Variants in GPR158 observed in about 807,000 individuals in gnomAD.
GPR158 encodes G protein-coupled receptor 158.
A neutral mutation model predicts 78.2 loss-of-function variants in GPR158; 30 were observed. The ratio of observed to expected loss-of-function variants is 0.38; its 90% CI spans 0.29 to 0.52. GPR158 has a LOEUF of 0.52. Ranked by LOEUF, GPR158 falls within the 20% of genes least tolerant of loss-of-function variation. The probability of loss-of-function intolerance (pLI) is 0.83; values close to 1 mark genes in which losing one functional copy is unlikely to be tolerated. For synonymous variants in GPR158, 581 were observed against 591.1 expected (o/e 0.98, Z 0.25); for missense variants, 1,463 against 1,523.5 (o/e 0.96, Z 0.66).
chr10:25,307,655 A>G (rs919467063), intron 2 of GPR158, among the ~76,000 whole-genome samples: 3 of 152,118 alleles, frequency 2.0e-5, no homozygotes, highest in Admixed American at 2.0e-4. Flanking sequence ...GATTACAGGC[A>G]TGAGCCACCA....
intron 2 of GPR158, among the ~76,000 whole-genome samples, chr10:25,281,249 A>AG (rs1854268357): frequency 1.3e-5 from 2 of 151,870 alleles, no homozygotes. Flanking sequence ...AGAAAAAAAA[A>AG]GAAATCAAAA....
chr10:25,547,607 T>C (rs767930265), intron 5 of GPR158, among the ~76,000 whole-genome samples: 2 of 152,126 alleles, frequency 1.3e-5, no homozygotes, highest in African/African-American at 4.8e-5. Flanking sequence ...ATCCTCATTA[T>C]AATGCATTTC....
At chr10:25,568,409 GAAGTAGGAAGA>G (rs919618041) in intron 6 of GPR158, among the ~76,000 whole-genome samples, 2 of 152,208 alleles carry the variant, frequency 1.3e-5, no homozygotes, top group African/African-American at 4.8e-5. Flanking sequence ...AGCTAGCCAA[GAAGTAGGAAGA>G]AAGTAGGAAG....
At chr10:25,301,424 C>A (rs1472458792) in intron 2 of GPR158, among the ~76,000 whole-genome samples, 1 of 152,116 alleles carries the variant, frequency 6.6e-6, no homozygotes, top group Non-Finnish European at 1.5e-5. Context: ...GGCTGAATTC[C>A]TTATTACAGT....
intron 2 of GPR158, among the ~76,000 whole-genome samples, chr10:25,379,647 C>CTTTTTTTTTT (rs11393897): frequency 2.4e-4 from 26 of 106,996 alleles, no homozygotes; most frequent in Non-Finnish European, 3.6e-4. Context: ...TGAGGATTAG[C>CTTTTTTTTTT]TTTTTTTTTT....
intron 4 of GPR158, among the ~76,000 whole-genome samples, chr10:25,435,126 T>C (rs557368378): frequency 6.6e-6 from 1 of 152,320 alleles, no homozygotes; most frequent in African/African-American, 2.4e-5. Context: ...CATTCATTCA[T>C]TCAGTGTGTT....
chr10:25,452,662 T>G (rs1175484681), intron 4 of GPR158, among the ~76,000 whole-genome samples: 2 of 152,246 alleles, frequency 1.3e-5, no homozygotes, highest in Non-Finnish European at 2.9e-5. Context: ...CGTGTGGTAA[T>G]TGTGGTTGGA....
intron 4 of GPR158, among the ~76,000 whole-genome samples, chr10:25,420,335 TAG>T (rs1378828890): frequency 3.5e-5 from 5 of 143,494 alleles, no homozygotes; most frequent in South Asian, 2.3e-4. Flanking sequence ...CATTTTTTTG[TAG>T]AGATGGAGTC....
chr10:25,247,626 C>T (rs1382129169), intron 2 of GPR158, among the ~76,000 whole-genome samples: 1 of 143,906 alleles, frequency 6.9e-6, no homozygotes, highest in African/African-American at 2.6e-5. Context: ...TCATCCATGT[C>T]CCTACAAAGG....
chr10:25,369,084 T>C (rs1833950802), intron 2 of GPR158, among the ~76,000 whole-genome samples: 1 of 151,618 alleles, frequency 6.6e-6, no homozygotes, highest in East Asian at 1.9e-4. Context: ...CAATGGGGTT[T>C]TCTAGATATA....
chr10:25,390,914 C>T (rs1025457718), intron 2 of GPR158, among the ~76,000 whole-genome samples: 23 of 152,310 alleles, frequency 1.5e-4, no homozygotes, highest in Non-Finnish European at 1.8e-4. Flanking sequence ...AAAATGGTTT[C>T]GTGGGCTGGC....
chr10:25,541,136 G>T (rs180675835), intron 5 of GPR158, among the ~76,000 whole-genome samples: 13 of 151,628 alleles, frequency 8.6e-5, no homozygotes, highest in Non-Finnish European at 1.5e-4. Flanking sequence ...CAAGATTTTT[G>T]ATTGCCAGAC....
intron 7 of GPR158, 148 bp from the exon 8 acceptor site, chr10:25,588,859 T>C (rs1259065161): frequency 8.9e-6 from 4 of 448,732 alleles, no homozygotes; most frequent in African/African-American, 7.8e-5. Flanking sequence ...TTTAAAAATA[T>C]ATGGCATTTG....
At position 25,594,282 on chromosome 10, in the gene GPR158, C is replaced by G. The variant is rs1181318048; in HGVS notation, c.1893-10C>G. 1 of 1,338,542 alleles carries G rather than the reference C, an allele frequency of 7.5e-7. No homozygotes were observed. Among genetic ancestry groups the G allele is most frequent in the Admixed American group, 1.7e-5 (1 of 59,250 alleles). 82.9% of individuals were successfully genotyped at this position (1,338,542 alleles called of 1,614,324 possible). ...TCTTGGATTGTTAACTCAATGAATT[C>G]TCATTTCAGATTTGTTCTTGCCTCA... On this transcript the variant is annotated splice_polypyrimidine_tract_variant and intron_variant, in intron 8 of 10. Transcript: ENST00000376351.
At chr10:25,327,984 G>A (rs1171101561) in intron 2 of GPR158, among the ~76,000 whole-genome samples, 10 of 152,074 alleles carry the variant, frequency 6.6e-5, no homozygotes, top group Admixed American at 6.5e-4. Flanking sequence ...GGTAGCTAGG[G>A]AAGCCATTTT....
At chr10:25,539,165 G>T (rs961491587) in intron 5 of GPR158, among the ~76,000 whole-genome samples, 1 of 152,156 alleles carries the variant, frequency 6.6e-6, no homozygotes, top group African/African-American at 2.4e-5. Context: ...GAGAGGTGCT[G>T]CTAGGGGAGG....
At chr10:25,239,318 G>A (rs756875805) in intron 2 of GPR158, among the ~76,000 whole-genome samples, 2 of 152,022 alleles carry the variant, frequency 1.3e-5, no homozygotes, top group African/African-American at 2.4e-5. Flanking sequence ...AAAACAATAG[G>A]GGCCAGGCAT....
chr10:25,215,067 C>A (rs1355254498), intron 1 of GPR158, among the ~76,000 whole-genome samples: 1 of 152,094 alleles, frequency 6.6e-6, no homozygotes, highest in African/African-American at 2.4e-5. Context: ...ATCTAAGCGG[C>A]TCCATAGCAA....
At position 25,517,030 on chromosome 10, in the gene GPR158, A is replaced by G. The variant is rs967089011; in HGVS notation, c.1405-33946A>G. ...ATGGAATGCTCTTCCATTTGTTTGT[A>G]TCCTCTTTTGTTTCATTGAGCAGTG... On this transcript the variant is annotated intron_variant, in intron 5 of 10. Coordinates refer to ENST00000376351, the MANE Select transcript of GPR158 (RefSeq NM_020752.3). 4.0e-5 allele frequency among the ~76,000 whole-genome samples: 6 copies of G among 150,328 alleles called. 1 individual carries two copies. The highest frequency in any genetic ancestry group is 2.6e-4 in the Admixed American group (4 of 15,224).
Sources: allele counts gnomAD v4.1 joint callset (sites outside exome capture counted in the v4.1 genomes callset), GRCh38; gene constraint gnomAD v4.1.1; transcripts MANE v1.5; gene names NCBI Gene and HGNC (gene_info 2026-07-23, HGNC 2026-07-21).